PRKN: variants seen among roughly 807,000 people sequenced by gnomAD.
The protein encoded by PRKN is parkin RBR E3 ubiquitin protein ligase.
A neutral mutation model predicts 59.5 loss-of-function variants in PRKN; 56 were observed. That is an observed-to-expected ratio of 0.94 (90% CI 0.76 to 1.18). PRKN has a LOEUF of 1.18. Ranked by LOEUF, PRKN falls within the 50% of genes most tolerant of loss-of-function variation. The pLI is 0.00. For synonymous variants in PRKN, 250 were observed against 222.1 expected, an observed-to-expected ratio of 1.13 and a Z score of -1.12; for missense variants, 657 against 596.4, an observed-to-expected ratio of 1.10 and a Z score of -1.06.
At chr6:162,406,059 TC>T (rs1178700046) in intron 2 of PRKN, among the ~76,000 whole-genome samples, 3 of 152,178 alleles carry the variant, frequency 2.0e-5, no homozygotes, top group East Asian at 1.9e-4. Context: ...GCATCATTTT[TC>T]CCTAGGTATG....
chr6:161,731,146 A>T (rs1787692056), intron 7 of PRKN, among the ~76,000 whole-genome samples: 2 of 152,130 alleles, frequency 1.3e-5, no homozygotes, highest in Admixed American at 1.3e-4. Flanking sequence ...TTGAATCCTG[A>T]TATGTTGCAC....
At chr6:162,477,503 T>C (rs547030125) in intron 1 of PRKN, among the ~76,000 whole-genome samples, 177 of 152,332 alleles carry the variant, frequency 1.2e-3, no homozygotes, top group Non-Finnish European at 2.2e-3. Context: ...AGTCGAGTTA[T>C]GCAGTTGCTA....
chr6:161,961,821 G>A (rs1780390785), intron 6 of PRKN, among the ~76,000 whole-genome samples: 1 of 152,132 alleles, frequency 6.6e-6, no homozygotes, highest in African/African-American at 2.4e-5. Context: ...GGTAGAAGAG[G>A]TATTAAAGAT....
At chr6:162,550,807 C>A (rs1447513701) in intron 1 of PRKN, among the ~76,000 whole-genome samples, 1 of 152,158 alleles carries the variant, frequency 6.6e-6, no homozygotes, top group Non-Finnish European at 1.5e-5. Flanking sequence ...ACTAGAAACA[C>A]TTCCCTGTGT....
chr6:161,680,722 A>AATAC lies in PRKN; in HGVS notation c.871+105046_871+105049dup, dbSNP rs1395949368. Among the ~76,000 whole-genome samples, 12 of 84,850 alleles carry AATAC rather than the reference A, an allele frequency of 1.4e-4. 1 individual carries two copies. Among genetic ancestry groups the AATAC allele is most frequent in the Admixed American group, 1.1e-3 (6 of 5,588 alleles). The allele number at this position is 84,850 out of a possible 152,430, so 55.7% of individuals were successfully genotyped here. A position where few individuals can be genotyped will look rare whatever the true frequency, so the allele number is the denominator to read the frequency against. On this transcript the variant is annotated intron_variant, in intron 7 of 11. Coordinates refer to ENST00000366898, the MANE Select transcript of PRKN (RefSeq NM_004562.3). ...TGCTTGGGCTCTGAAAACATCCTGA[A>AATAC]ATACATATATATATATATATATATA...
In PRKN at chr6:161,414,121, T is replaced by G. The variant is rs1449243969; in HGVS notation, c.1084-27244A>C. On this transcript the variant is annotated intron_variant, in intron 9 of 11. Coordinates refer to ENST00000366898, the MANE Select transcript of PRKN (RefSeq NM_004562.3). The surrounding 1 kb of genome is among the most constrained non-coding windows in gnomAD (Gnocchi z 5.3). The stretch of plus-strand genomic sequence containing the variant: ...ATTTTAATTCAGACTTCTCTCTTTC[T>G]TTGCTGCAAATGGCTCTCTGGAGCA... Among the ~76,000 whole-genome samples the G allele has an allele frequency of 2.0e-5, 3 of 152,160 alleles. No individual in the cohort carries two copies. Among genetic ancestry groups the G allele is most frequent in the Admixed American group, 6.5e-5 (1 of 15,270 alleles).
intron 9 of PRKN, among the ~76,000 whole-genome samples, chr6:161,521,802 A>T (rs1778836015): frequency 6.6e-6 from 1 of 152,172 alleles, no homozygotes; most frequent in Non-Finnish European, 1.5e-5. Context: ...GTGAGAGCTG[A>T]GGTGAACATT....
chr6:162,220,331 G>T (rs1777872289), intron 3 of PRKN, among the ~76,000 whole-genome samples: 1 of 152,042 alleles, frequency 6.6e-6, no homozygotes, highest in Admixed American at 6.6e-5. Context: ...TGACAAGAGG[G>T]ACCTAATTAA....
At chr6:161,655,416 C>T (rs1279730984) in intron 7 of PRKN, among the ~76,000 whole-genome samples, 1 of 151,852 alleles carries the variant, frequency 6.6e-6, no homozygotes, top group Non-Finnish European at 1.5e-5. Context: ...CTGGGCCCAC[C>T]CAGGCTCTCA....
chr6:162,138,812 T>C (rs1465389440), intron 4 of PRKN, among the ~76,000 whole-genome samples: 1 of 151,958 alleles, frequency 6.6e-6, no homozygotes, highest in African/African-American at 2.4e-5. Flanking sequence ...GCAGTGAATG[T>C]GAAGAAATAG....
intron 7 of PRKN, among the ~76,000 whole-genome samples, chr6:161,762,173 A>G (rs1789231561): frequency 6.6e-6 from 1 of 152,200 alleles, no homozygotes; most frequent in South Asian, 2.1e-4. Flanking sequence ...GGCAACAGTA[A>G]GAAAAAATAC....
chr6:162,180,154 G>C (rs553914878), intron 4 of PRKN, among the ~76,000 whole-genome samples: 5 of 152,208 alleles, frequency 3.3e-5, no homozygotes, highest in African/African-American at 1.2e-4. Flanking sequence ...ATTGGGAGCT[G>C]CACTGAGGAA....
chr6:161,808,809 A>G (rs1487325452), intron 6 of PRKN, among the ~76,000 whole-genome samples: 1 of 152,160 alleles, frequency 6.6e-6, no homozygotes, highest in African/African-American at 2.4e-5. Flanking sequence ...CAAGACTGCG[A>G]TAAAAGTCAT....
At chr6:161,424,858 G>A (rs752253042) in intron 9 of PRKN, among the ~76,000 whole-genome samples, 6 of 152,138 alleles carry the variant, frequency 3.9e-5, no homozygotes, top group Admixed American at 6.5e-5. Flanking sequence ...AATGTGAAGC[G>A]TCTTTACATC....
rs142302903 is a variant in PRKN, at chr6:162,354,168, G to A, written c.171+89142C>T. Among the ~76,000 whole-genome samples, 5 of 152,208 alleles carry A rather than the reference G, an allele frequency of 3.3e-5. No individual in the cohort carries two copies. The East Asian group carries it at 9.7e-4, about 29-fold the overall frequency. Reference sequence around the variant, plus strand: ...ATTCTCTGGACCATTCTCAACCGAAGAGGAAGGTATACACACCATTCCTTG... The same window carrying A: ...ATTCTCTGGACCATTCTCAACCGAAAAGGAAGGTATACACACCATTCCTTG... On this transcript the variant is annotated intron_variant, in intron 2 of 11. Coordinates refer to ENST00000366898, the MANE Select transcript of PRKN (RefSeq NM_004562.3).
chr6:161,926,969 T>G (rs1778991426), intron 6 of PRKN, among the ~76,000 whole-genome samples: 1 of 152,160 alleles, frequency 6.6e-6, no homozygotes, highest in African/African-American at 2.4e-5. Context: ...AAGTTACATT[T>G]TGATAAACAA....
At chr6:162,280,216 T>A (rs1234410947) in intron 2 of PRKN, among the ~76,000 whole-genome samples, 1 of 152,148 alleles carries the variant, frequency 6.6e-6, no homozygotes, top group Non-Finnish European at 1.5e-5. Context: ...GCATTCATGA[T>A]CCTAGCTGGT....
intron 7 of PRKN, among the ~76,000 whole-genome samples, chr6:161,671,855 A>T (rs1784921685): frequency 6.6e-6 from 1 of 152,110 alleles, no homozygotes; most frequent in African/African-American, 2.4e-5. Flanking sequence ...TCTGTTTGTT[A>T]TCATTTTCGA....
Position 162,096,128 on chromosome 6 carries a change from A to G in PRKN, c.535-41954T>C, listed in dbSNP as rs962113349. On this transcript the variant is annotated intron_variant, in intron 4 of 11. Transcript: ENST00000366898. ...CAACTATAACGACAGAGATATCTAC[A>G]CATGTGTAGATTGTAAGATTGGTGC... Among the ~76,000 whole-genome samples the G allele has an allele frequency of 3.9e-5, 6 of 152,270 alleles. No homozygotes were observed. The South Asian group carries it at 1.2e-3, about 32-fold the overall frequency.
Sources: allele counts gnomAD v4.1 joint callset (sites outside exome capture counted in the v4.1 genomes callset), GRCh38; gene constraint gnomAD v4.1.1; non-coding constraint Gnocchi (gnomAD v3.1); transcripts MANE v1.5; gene names NCBI Gene and HGNC (gene_info 2026-07-23, HGNC 2026-07-21).